The following ALPK2 variants were observed in gnomAD, a reference collection of about 807,000 sequenced individuals.
ALPK2 encodes the protein alpha-protein kinase 2.
In ALPK2, 127 loss-of-function variants were observed where a neutral mutation model predicts 163.1. The ratio of observed to expected loss-of-function variants is 0.78; its 90% CI spans 0.67 to 0.90. ALPK2 has a LOEUF of 0.90. Among genes scored for constraint, ALPK2 ranks in the 40% least tolerant of loss-of-function variants. The probability of loss-of-function intolerance (pLI) is 0.00; values close to 1 mark genes in which losing one functional copy is unlikely to be tolerated. For missense variants in ALPK2, 2,360 were observed against 2,589.6 expected (o/e 0.91, Z 1.92); for synonymous variants, 953 against 959.1 (o/e 0.99, Z 0.12).
chr18:58,583,855 C>T (rs947649411), intron 3 of ALPK2, among the ~76,000 whole-genome samples: 1 of 151,982 alleles, frequency 6.6e-6, no homozygotes, highest in African/African-American at 2.4e-5. Context: ...AGTCCATGAG[C>T]CCTCTGCAGA....
chr18:58,617,032 T>C (rs932825740), intron 1 of ALPK2, among the ~76,000 whole-genome samples: 4 of 152,108 alleles, frequency 2.6e-5, no homozygotes, highest in Non-Finnish European at 5.9e-5. Flanking sequence ...GCTTGGCGTA[T>C]GGGGTAAATC....
rs983819549 is a variant in ALPK2, at chr18:58,595,360, C to T, written c.227+11962G>A. Among the ~76,000 whole-genome samples, 5 of 152,296 alleles carry T rather than the reference C, an allele frequency of 3.3e-5. No individual in the cohort carries two copies. In the South Asian group the frequency reaches 6.2e-4, roughly 19 times the overall value. On this transcript the variant is annotated intron_variant, in intron 3 of 12. Coordinates refer to ENST00000361673, the MANE Select transcript of ALPK2 (RefSeq NM_052947.4). ...TAACCTTAGGGTCTAGAACAGTCCC[C>T]GGCATATAGTAGGCCCTCCATGAAT...
At chr18:58,551,355 A>G (rs1405000167) in intron 4 of ALPK2, among the ~76,000 whole-genome samples, 1 of 151,942 alleles carries the variant, frequency 6.6e-6, no homozygotes, top group African/African-American at 2.4e-5. Flanking sequence ...CCATTCCCTG[A>G]CCTGTAGATG....
chr18:58,550,840 C>T (rs1315288490), intron 4 of ALPK2, among the ~76,000 whole-genome samples: 1 of 150,756 alleles, frequency 6.6e-6, no homozygotes, highest in Non-Finnish European at 1.5e-5. Context: ...CAACTCCATC[C>T]TCATCTCCAA....
intron 4 of ALPK2, among the ~76,000 whole-genome samples, chr18:58,575,259 A>T (rs1051697847): frequency 6.6e-6 from 1 of 152,032 alleles, no homozygotes; most frequent in Admixed American, 6.5e-5. Flanking sequence ...TATACTTGGC[A>T]TTTACTCTAG....
chr18:58,598,105 A>G (rs966059254), intron 3 of ALPK2, among the ~76,000 whole-genome samples: 1 of 152,246 alleles, frequency 6.6e-6, no homozygotes, highest in African/African-American at 2.4e-5. Context: ...TATGACAGGC[A>G]GGGTCTGAGG....
At chr18:58,602,556 C>A (rs564277980) in intron 3 of ALPK2, among the ~76,000 whole-genome samples, 1 of 152,104 alleles carries the variant, frequency 6.6e-6, no homozygotes, top group African/African-American at 2.4e-5. Flanking sequence ...GTCTTCCCAC[C>A]GCCATTTTTT....
Position 58,573,292 on chromosome 18 carries a change from GTATATATGTGTGTA to G in ALPK2, c.1962+5508_1962+5521del, listed in dbSNP as rs1177192538. On this transcript the variant is annotated intron_variant, in intron 4 of 12. Transcript: ENST00000361673. ...TATATATGTATATATGTGTATATAT[GTATATATGTGTGTA>G]TATATATGTGTGTATATATGTATAT... 6.1e-3 allele frequency among the ~76,000 whole-genome samples: 509 copies of G among 83,262 alleles called. 10 individuals are homozygous for G. Among genetic ancestry groups the G allele is most frequent in the Middle Eastern group, 0.022 (3 of 138 alleles). 54.6% of individuals were successfully genotyped at this position (83,262 alleles called of 152,430 possible). A position where few individuals can be genotyped will look rare whatever the true frequency, so the allele number is the denominator to read the frequency against.
In ALPK2 at chr18:58,579,934, G is replaced by A. The variant is rs886082211; in HGVS notation, c.842C>T (p.Ala281Val). ...SFSLPLSEAT[A>V]HIYPGDSAVA... is the part of the protein sequence containing the mutation. ...GGCACTGTCACCTGGGTAAATGTGT[G>A]CAGTTGCCTCAGATAGCGGGAGGCT... The change falls in exon 4 of 13, where the codon GCA becomes GTA. Residue 281 changes from alanine (A) to valine (V), a missense_variant. Coordinates refer to ENST00000361673, the MANE Select transcript of ALPK2 (RefSeq NM_052947.4). 4 of 1,614,076 alleles carry A rather than the reference G, an allele frequency of 2.5e-6. No homozygotes were observed. Among genetic ancestry groups the A allele is most frequent in the Non-Finnish European group, 3.4e-6 (4 of 1,180,046 alleles).
chr18:58,577,920 G>T (rs1415271677), intron 4 of ALPK2: 11 of 152,104 alleles, frequency 7.2e-5, no homozygotes, highest in Non-Finnish European at 7.4e-5. Context: ...GGAATACAAA[G>T]TATAGTAAAA....
At chr18:58,603,158 CTT>C (rs1258243719) in intron 3 of ALPK2, among the ~76,000 whole-genome samples, 1 of 152,220 alleles carries the variant, frequency 6.6e-6, no homozygotes, top group African/African-American at 2.4e-5. Flanking sequence ...CAAATTCTTT[CTT>C]GTGTGAGGTT....
Position 58,536,367 on chromosome 18 carries a change from CCCAGA to C in ALPK2, c.3815_3819del (p.Val1272GlyfsTer4), listed in dbSNP as rs2051647677. The stretch of plus-strand genomic sequence containing the variant: ...TCTGCCTTTAGACTATCAGGTACAG[CCCAGA>C]CCTTGTCAGGAATTATGAGACCACC... On this transcript the variant is annotated frameshift_variant, in exon 5 of 13. Transcript: ENST00000361673. LOFTEE classifies it high-confidence loss of function. The C allele has an allele frequency of 6.2e-7, 1 of 1,614,064 alleles. No homozygotes were observed. The highest frequency in any genetic ancestry group is 8.5e-7 in the Non-Finnish European group (1 of 1,180,032).
At chr18:58,538,613 A>G (rs767756865) in intron 4 of ALPK2, 5 of 181,512 alleles carry the variant, frequency 2.8e-5, no homozygotes, top group African/African-American at 7.1e-5. Context: ...GATCATAATA[A>G]ATGAAATAAA....
intron 4 of ALPK2, among the ~76,000 whole-genome samples, chr18:58,567,444 T>C (rs34245610): frequency 0.13 from 19,458 of 152,118 alleles, 1,609 homozygotes; most frequent in East Asian, 0.29. Flanking sequence ...CTATGTTGTT[T>C]TTTTAAACAC....
chr18:58,488,496 G>A (rs567031861), intron 12 of ALPK2, among the ~76,000 whole-genome samples: 10 of 149,312 alleles, frequency 6.7e-5, no homozygotes, highest in African/African-American at 2.5e-4. Flanking sequence ...AACACACCTG[G>A]AGAGCAGGGG....
chr18:58,613,816 A>T (rs2052149715), intron 1 of ALPK2, among the ~76,000 whole-genome samples: 2 of 151,908 alleles, frequency 1.3e-5, no homozygotes, highest in South Asian at 4.1e-4. Flanking sequence ...CATGAGGCCC[A>T]CCTTGCTTGG....
At chr18:58,618,301 C>T (rs2144239019) in intron 1 of ALPK2, among the ~76,000 whole-genome samples, 1 of 152,346 alleles carries the variant, frequency 6.6e-6, no homozygotes, top group East Asian at 1.9e-4. Context: ...CCGGCCCCGG[C>T]CTCCCAAAGT....
chr18:58,528,979 G>T, intron 6 of ALPK2, 112 bp downstream of exon 6: 1 of 1,311,990 alleles, frequency 7.6e-7, no homozygotes, highest in Non-Finnish European at 1.1e-6. Context: ...TGGAATCTCT[G>T]CTTCAATTTT....
chr18:58,542,926 C>G (rs2051697572), intron 4 of ALPK2, among the ~76,000 whole-genome samples: 1 of 152,100 alleles, frequency 6.6e-6, no homozygotes. Flanking sequence ...AATGTCCACT[C>G]AAAACTCATA....
Sources: gnomAD v4.1 joint callset for allele counts (sites outside exome capture counted in the v4.1 genomes callset) on GRCh38, gnomAD v4.1.1 for gene constraint, MANE v1.5 for transcripts, NCBI Gene and HGNC (gene_info 2026-07-23, HGNC 2026-07-21) for gene names.